The following TENM2 variants were observed in gnomAD, a reference collection of about 807,000 sequenced individuals.
TENM2 encodes the protein teneurin transmembrane protein 2, also known as teneurin-2.
Under a neutral mutation model 245.2 loss-of-function variants are expected in TENM2, and 52 were observed. The observed-to-expected ratio is 0.21, with a 90% CI of 0.17 to 0.27. The LOEUF (loss-of-function observed/expected upper bound fraction) is 0.27. Among genes scored for constraint, TENM2 ranks in the 10% least tolerant of loss-of-function variants. TENM2 has a pLI of 1.00. For missense variants in TENM2, 3,046 were observed against 3,666.8 expected (o/e 0.83, Z 4.37); for synonymous variants, 1,363 against 1,438.9 (o/e 0.95, Z 1.19).
rs1779539732 is a variant in TENM2, at chr5:167,640,875, A to ATATC, written c.503-235108_503-235107insCTAT. On this transcript the variant is annotated intron_variant, in intron 2 of 28. Transcript: ENST00000518659. ...TATATATATCCATATATATATATATATATATATATATATATATATATATAT... is the reference window on the plus strand; with the variant it reads ...TATATATATCCATATATATATATATATATCTATATATATATATATATATATATAT... Among the ~76,000 whole-genome samples, 2 of 53,832 alleles carry ATATC rather than the reference A, an allele frequency of 3.7e-5. 1 individual carries two copies. The highest frequency in any genetic ancestry group is 3.6e-4 in the African/African-American group (2 of 5,518). The allele number at this position is 53,832 out of a possible 152,430, so 35.3% of individuals were successfully genotyped here. A position where few individuals can be genotyped will look rare whatever the true frequency, so the allele number is the denominator to read the frequency against.
Position 167,336,020 on chromosome 5 carries a change from A to T in TENM2, c.227-39178A>T, listed in dbSNP as rs560702958. ...CTAACTAACTATCTCAGACCACACAATAGTAAGTCATGGAGTTTCCTTGTA... is the reference window on the plus strand; with the variant it reads ...CTAACTAACTATCTCAGACCACACATTAGTAAGTCATGGAGTTTCCTTGTA... On this transcript the variant is annotated intron_variant, in intron 1 of 28. Transcript: ENST00000518659. 3.9e-5 allele frequency among the ~76,000 whole-genome samples: 6 copies of T among 152,198 alleles called. No individual in the cohort carries two copies. In the South Asian group the frequency reaches 1.2e-3, roughly 32 times the overall value.
chr5:167,345,086 C>A (rs1432037186), intron 1 of TENM2, among the ~76,000 whole-genome samples: 2 of 152,178 alleles, frequency 1.3e-5, no homozygotes, highest in Non-Finnish European at 2.9e-5. Flanking sequence ...GTCTGAAACC[C>A]TTACTCTCCA....
At chr5:167,726,172 A>G (rs1759990937) in intron 2 of TENM2, among the ~76,000 whole-genome samples, 1 of 152,044 alleles carries the variant, frequency 6.6e-6, no homozygotes, top group Non-Finnish European at 1.5e-5. Context: ...TCTTGAATTT[A>G]AAAGGTGCCT....
intron 5 of TENM2, among the ~76,000 whole-genome samples, chr5:168,015,977 G>A (rs889323909): frequency 2.6e-5 from 4 of 152,092 alleles, no homozygotes; most frequent in Non-Finnish European, 5.9e-5. Flanking sequence ...GGAGAGAAGC[G>A]GCACAAACTT....
intron 2 of TENM2, among the ~76,000 whole-genome samples, chr5:167,423,860 A>AT (rs1286260064): frequency 2.0e-5 from 3 of 152,134 alleles, no homozygotes; most frequent in Admixed American, 2.0e-4. Flanking sequence ...TGGGGCATCC[A>AT]TTTTTGCCTT....
chr5:167,653,486 A>T (rs1754613661), intron 2 of TENM2: 2 of 152,090 alleles, frequency 1.3e-5, no homozygotes, highest in Admixed American at 1.3e-4. Context: ...TAGCTTACTA[A>T]TTCTAAATAC....
chr5:167,700,444 C>A (rs1245009492), intron 2 of TENM2, among the ~76,000 whole-genome samples: 2 of 152,176 alleles, frequency 1.3e-5, no homozygotes, highest in East Asian at 1.9e-4. Flanking sequence ...GGGCACCATT[C>A]ATTTAGACTA....
At chr5:167,644,625 T>A (rs1779812633) in intron 2 of TENM2, among the ~76,000 whole-genome samples, 1 of 152,304 alleles carries the variant, frequency 6.6e-6, no homozygotes, top group African/African-American at 2.4e-5. Context: ...CTACCATTGT[T>A]CCCATATGGC....
At chr5:168,027,104 G>GAC (rs556215802) in intron 5 of TENM2, among the ~76,000 whole-genome samples, 26,780 of 151,770 alleles carry the variant, frequency 0.18, 2,555 homozygotes, top group Admixed American at 0.29. Context: ...ATAAGCTACA[G>GAC]ACACACACAC....
intron 2 of TENM2, among the ~76,000 whole-genome samples, chr5:167,507,648 C>T (rs1769645123): frequency 6.6e-6 from 1 of 152,124 alleles, no homozygotes; most frequent in African/African-American, 2.4e-5. Flanking sequence ...CCCTTCAACC[C>T]TGTCAAACTG....
Position 168,261,955 on chromosome 5 carries a change from T to C in TENM2, c.7564-94T>C, listed in dbSNP as rs186606897. Reference sequence around the variant, plus strand: ...TCTGGATAGACCCAACACTAGTTCTTGCAGGAGAGTTCCAAGCCTTTCTCT... The same window carrying C: ...TCTGGATAGACCCAACACTAGTTCTCGCAGGAGAGTTCCAAGCCTTTCTCT... On this transcript the variant is annotated intron_variant, in intron 28 of 28. Transcript: ENST00000518659. The C allele has an allele frequency of 8.2e-3, 10,357 of 1,260,178 alleles. 59 individuals carry two copies. Among genetic ancestry groups the C allele is most frequent in the Non-Finnish European group, 9.5e-3 (8,534 of 898,024 alleles). The allele number at this position is 1,260,178 out of a possible 1,614,324, so 78.1% of individuals were successfully genotyped here. A position where few individuals can be genotyped will look rare whatever the true frequency, so the allele number is the denominator to read the frequency against.
chr5:167,844,224 A>T (rs537252234), intron 2 of TENM2, among the ~76,000 whole-genome samples: 1 of 152,258 alleles, frequency 6.6e-6, no homozygotes, highest in Non-Finnish European at 1.5e-5. Context: ...AAAGAGCTCA[A>T]CAGTGTTTTA....
chr5:167,210,250 A>T, the TENM2 span, among the ~76,000 whole-genome samples: 1 of 152,216 alleles, frequency 6.6e-6, no homozygotes, highest in South Asian at 2.1e-4. Flanking sequence ...AACAGTCCAC[A>T]CCAGAGCACA....
intron 2 of TENM2, among the ~76,000 whole-genome samples, chr5:167,669,762 A>C (rs1755813536): frequency 6.6e-6 from 1 of 152,044 alleles, no homozygotes; most frequent in African/African-American, 2.4e-5. Context: ...AATTAAGCAA[A>C]ACGGTTTAAA....
At chr5:168,110,039 CTTTT>C (rs5873091) in intron 9 of TENM2, among the ~76,000 whole-genome samples, 17 of 121,884 alleles carry the variant, frequency 1.4e-4, no homozygotes, top group African/African-American at 4.2e-4. Flanking sequence ...AAGAACCCTT[CTTTT>C]TTTTTTTTTT....
intron 2 of TENM2, among the ~76,000 whole-genome samples, chr5:167,724,292 T>G (rs927109830): frequency 1.4e-3 from 210 of 152,220 alleles, no homozygotes; most frequent in African/African-American, 4.5e-3. Context: ...TTACTAGTTT[T>G]TTTTTTTTTT....
chr5:168,252,365 CAAAA>C (rs35385737), intron 27 of TENM2, among the ~76,000 whole-genome samples: 11 of 115,310 alleles, frequency 9.5e-5, no homozygotes, highest in Non-Finnish European at 1.2e-4. Flanking sequence ...GACCCTGTCT[CAAAA>C]AAAAAAAAAA....
intron 1 of TENM2, among the ~76,000 whole-genome samples, chr5:167,310,729 T>G (rs1755983423): frequency 6.6e-6 from 1 of 152,198 alleles, no homozygotes; most frequent in Non-Finnish European, 1.5e-5. Flanking sequence ...GTCTGAGAGA[T>G]ATACACCAGG....
the TENM2 span, among the ~76,000 whole-genome samples, chr5:167,134,365 C>T: frequency 2.0e-5 from 3 of 151,974 alleles, no homozygotes; most frequent in South Asian, 2.1e-4. Flanking sequence ...ATTTTTTTGG[C>T]GTGTGTGTAA....
Sources: gnomAD v4.1 joint callset for allele counts (sites outside exome capture counted in the v4.1 genomes callset) on GRCh38, gnomAD v4.1.1 for gene constraint, MANE v1.5 for transcripts, NCBI Gene and HGNC (gene_info 2026-07-23, HGNC 2026-07-21) for gene names.